DCAF4: variants seen among roughly 807,000 people sequenced by gnomAD.
DCAF4 encodes DDB1- and CUL4-associated factor 4.
In DCAF4, 37 loss-of-function variants were observed where a neutral mutation model predicts 60.9. The observed-to-expected ratio is 0.61, with a 90% CI of 0.47 to 0.80. The LOEUF (loss-of-function observed/expected upper bound fraction) is 0.80. DCAF4 is among the 30% of genes least tolerant of loss of function. The pLI is 0.00. For synonymous variants in DCAF4, 243 were observed against 254.8 expected, an observed-to-expected ratio of 0.95 and a Z score of 0.44; for missense variants, 577 against 650.0, an observed-to-expected ratio of 0.89 and a Z score of 1.22.
chr14:72,940,573 T>G (rs987896482), intron 4 of DCAF4, 196 bp downstream of exon 4: 3 of 535,408 alleles, frequency 5.6e-6, no homozygotes, highest in Non-Finnish European at 6.2e-6. Flanking sequence ...CCATCCCCGT[T>G]TTCTTGTTCG....
chr14:72,935,771 T>G (rs1442107057), intron 1 of DCAF4, among the ~76,000 whole-genome samples: 2 of 152,248 alleles, frequency 1.3e-5, no homozygotes. Flanking sequence ...CTGCCTCCTG[T>G]GGGTGATCTG....
In DCAF4 at chr14:72,953,764, G is replaced by T. The variant is rs2806035; in HGVS notation, c.809-400G>T. Among the ~76,000 whole-genome samples, 92 of 19,052 alleles carry T rather than the reference G, an allele frequency of 4.8e-3. 7 individuals are homozygous for T. Among genetic ancestry groups the T allele is most frequent in the Middle Eastern group, 0.042 (1 of 24 alleles). 12.5% of individuals were successfully genotyped at this position (19,052 alleles called of 152,430 possible). ...ATATATATATATATATATATATATA[G>T]TTTATTTATTTATTTATTTGTGTGT... is the stretch of plus-strand genomic sequence containing the variant. On this transcript the variant is annotated intron_variant, in intron 9 of 13. Transcript: ENST00000358377.
rs139991878 is a variant in DCAF4, at chr14:72,929,779, C to T, written c.-9+3236C>T. 32 of 1,068,606 alleles carry T rather than the reference C, an allele frequency of 3.0e-5. No individual in the cohort carries two copies. The East Asian group carries it at 6.9e-4, about 23-fold the overall frequency. The allele number at this position is 1,068,606 out of a possible 1,614,324, so 66.2% of individuals were successfully genotyped here. On this transcript the variant is annotated intron_variant, in intron 1 of 13. Transcript: ENST00000358377. ...TCCATGGCGCGCAGCTCGTACGAAG[C>T]GAAGCCACACACCTCCCGGATCATG...
chr14:72,945,766 A>T lies in DCAF4; in HGVS notation c.535-118A>T, dbSNP rs183729327. 21 of 1,344,682 alleles carry T rather than the reference A, an allele frequency of 1.6e-5. 1 individual carries two copies. The highest frequency in any genetic ancestry group is 4.5e-4 in the Middle Eastern group (2 of 4,442). 83.3% of individuals were successfully genotyped at this position (1,344,682 alleles called of 1,614,324 possible). On this transcript the variant is annotated intron_variant, in intron 6 of 13. Coordinates refer to ENST00000358377, the MANE Select transcript of DCAF4 (RefSeq NM_015604.4). ...TCTCCACTCTCGCTCATGGAGAGGA[A>T]CTCTCACCTAGTGAAAATGCACAGA...
chr14:72,959,754 C>A, downstream of DCAF4: 1 of 646,656 alleles, frequency 1.5e-6, no homozygotes, highest in Non-Finnish European at 1.9e-6. Flanking sequence ...CCCCTCCAGA[C>A]CCACTCTGCC....
chr14:72,960,926 G>A (rs56820568), downstream of DCAF4, among the ~76,000 whole-genome samples: 611 of 150,760 alleles, frequency 4.1e-3, 3 homozygotes, highest in African/African-American at 0.014. Context: ...CGCCCAAGCT[G>A]GAGTGCATGA....
intron 1 of DCAF4, among the ~76,000 whole-genome samples, chr14:72,927,483 C>T (rs544686626): frequency 2.0e-5 from 3 of 151,884 alleles, no homozygotes; most frequent in African/African-American, 7.2e-5. Flanking sequence ...TCCCGCGTAG[C>T]TGGGGCTACA....
chr14:72,951,661 T>C (rs1181039187), intron 8 of DCAF4, 137 bp from the exon 9 acceptor site: 1 of 736,112 alleles, frequency 1.4e-6, no homozygotes, highest in Admixed American at 2.1e-5. Context: ...GTGGGCAGTG[T>C]AAACGCATGT....
intron 6 of DCAF4, among the ~76,000 whole-genome samples, chr14:72,944,037 G>C (rs1890399844): frequency 6.6e-6 from 1 of 152,178 alleles, no homozygotes; most frequent in Non-Finnish European, 1.5e-5. Flanking sequence ...CGTCTCTTGT[G>C]GTTGGTTCCC....
intron 1 of DCAF4, among the ~76,000 whole-genome samples, chr14:72,937,170 C>T (rs890573871): frequency 6.6e-6 from 1 of 151,828 alleles, no homozygotes; most frequent in Non-Finnish European, 1.5e-5. Context: ...AATGAAAAAC[C>T]TGGGCATGTT....
chr14:72,949,625 C>T (rs1009776471), intron 8 of DCAF4, among the ~76,000 whole-genome samples: 2 of 151,920 alleles, frequency 1.3e-5, no homozygotes, highest in African/African-American at 2.4e-5. Context: ...TGTGGTGGCA[C>T]GCACCCGTAA....
chr14:72,951,989 C>A (rs1214575603), intron 9 of DCAF4, 112 bp downstream of exon 9: 42 of 1,137,052 alleles, frequency 3.7e-5, no homozygotes, highest in Non-Finnish European at 4.3e-5. Flanking sequence ...GGAGGATTCC[C>A]TAAGCCTGTC....
chr14:72,956,698 C>T, intron 13 of DCAF4, 198 bp downstream of exon 13: 1 of 524,046 alleles, frequency 1.9e-6, no homozygotes, highest in Non-Finnish European at 3.5e-6. Context: ...TAAATGTCCA[C>T]CAGGTGGACA....
intron 7 of DCAF4, 130 bp from the exon 8 acceptor site, chr14:72,947,012 G>T: frequency 2.4e-6 from 3 of 1,250,436 alleles, no homozygotes; most frequent in Non-Finnish European, 3.5e-6. Flanking sequence ...CAGAATGCTT[G>T]TTCCAGCCCA....
chr14:72,929,820 G>A lies in DCAF4; in HGVS notation c.-9+3277G>A, dbSNP rs1009861039. 1.1e-5 allele frequency: 13 copies of A among 1,209,876 alleles called. No individual in the cohort carries two copies. The South Asian group carries it at 1.5e-4, about 14-fold the overall frequency. The allele number at this position is 1,209,876 out of a possible 1,614,324, so 74.9% of individuals were successfully genotyped here. A position where few individuals can be genotyped will look rare whatever the true frequency, so the allele number is the denominator to read the frequency against. Reference sequence around the variant, plus strand: ...CCGGATCATGTCCCGCTACAAACTTGGTGCGTTTGCTCAGACGCCCGCGGC... The same window carrying A: ...CCGGATCATGTCCCGCTACAAACTTAGTGCGTTTGCTCAGACGCCCGCGGC... On this transcript the variant is annotated intron_variant, in intron 1 of 13. Transcript: ENST00000358377.
chr14:72,953,732 A>AAAAAT (rs1555527852), intron 9 of DCAF4, among the ~76,000 whole-genome samples: 4 of 21,778 alleles, frequency 1.8e-4, no homozygotes, highest in Non-Finnish European at 2.9e-4. Context: ...AAAAAAAAAA[A>AAAAAT]ATATATATAT....
At chr14:72,935,173 A>G (rs1048923897) in intron 1 of DCAF4, 1 of 152,248 alleles carries the variant, frequency 6.6e-6, no homozygotes, top group Non-Finnish European at 1.5e-5. Flanking sequence ...AGGCTTCTTA[A>G]AAGTACTAGA....
chr14:72,936,444 G>T lies in DCAF4; in HGVS notation c.-8-1527G>T, dbSNP rs578019169. Among the ~76,000 whole-genome samples, 16 of 151,914 alleles carry T rather than the reference G, an allele frequency of 1.1e-4. No individual in the cohort carries two copies. In the South Asian group the frequency reaches 3.3e-3, roughly 32 times the overall value. On this transcript the variant is annotated intron_variant, in intron 1 of 13. Coordinates refer to ENST00000358377, the MANE Select transcript of DCAF4 (RefSeq NM_015604.4). Reference sequence around the variant, plus strand: ...CTGGGTGTGGTGGCAGGTGCCTGTAGTCCCAGCTACTCGGGAGGCTGAGGC... The same window carrying T: ...CTGGGTGTGGTGGCAGGTGCCTGTATTCCCAGCTACTCGGGAGGCTGAGGC...
Position 72,943,017 on chromosome 14 carries a change from G to C in DCAF4, c.455G>C (p.Ser152Thr), listed in dbSNP as rs145670003. ...YCHLAHELRL[S>T]CMERKKVQIR... The stretch of plus-strand genomic sequence containing the variant: ...AGTTTAGCCCACGAGCTGCGTCTCA[G>C]CTGCATGGAGAGGAAAAAGGTCCAG... The change falls in exon 6 of 14, where the codon AGC becomes ACC. Residue 152 changes from serine (S) to threonine (T), a missense_variant. Ser to Thr is a moderately conservative substitution (Grantham distance 58). Coordinates refer to ENST00000358377, the MANE Select transcript of DCAF4 (RefSeq NM_015604.4). The C allele has an allele frequency of 6.2e-7, 1 of 1,614,188 alleles. No individual in the cohort carries two copies. The highest frequency in any genetic ancestry group is 8.5e-7 in the Non-Finnish European group (1 of 1,180,030).
Sources: gnomAD v4.1 joint callset for allele counts (sites outside exome capture counted in the v4.1 genomes callset) on GRCh38, gnomAD v4.1.1 for gene constraint, MANE v1.5 for transcripts, NCBI Gene and HGNC (gene_info 2026-07-23, HGNC 2026-07-21) for gene names.